OSBPL5: variants seen among roughly 807,000 people sequenced by gnomAD.
OSBPL5 encodes the protein oxysterol binding protein like 5, also known as oxysterol-binding protein-related protein 5.
OSBPL5 carries 71 observed loss-of-function variants against 111.2 expected under a neutral mutation model. That is an observed-to-expected ratio of 0.64 (90% confidence interval 0.53 to 0.78). The LOEUF (loss-of-function observed/expected upper bound fraction) is 0.78. Ranked by LOEUF, OSBPL5 falls within the 30% of genes least tolerant of loss-of-function variation. OSBPL5 has a pLI of 0.00. For synonymous variants in OSBPL5, 549 were observed against 513.9 expected, an observed-to-expected ratio of 1.07 and a Z score of -0.93; for missense variants, 1,210 against 1,189.3, an observed-to-expected ratio of 1.02 and a Z score of -0.26.
At chr11:3,159,683 G>T (rs990144727) in intron 1 of OSBPL5, among the ~76,000 whole-genome samples, 1 of 152,202 alleles carries the variant, frequency 6.6e-6, no homozygotes, top group African/African-American at 2.4e-5. Flanking sequence ...TGCACCTGGG[G>T]AGGGCCAGGG....
At chr11:3,112,098 CATAT>C (rs1858010714) in intron 7 of OSBPL5, among the ~76,000 whole-genome samples, 1 of 128,864 alleles carries the variant, frequency 7.8e-6, no homozygotes, top group African/African-American at 3.3e-5. Context: ...TGTGTGTGTG[CATAT>C]GTGTGTGTGC....
chr11:3,093,142 A>C, intron 17 of OSBPL5, 90 bp from the exon 18 acceptor site: 1 of 1,326,234 alleles, frequency 7.5e-7, no homozygotes, highest in Non-Finnish European at 1.0e-6. Context: ...ACCAGAAGGA[A>C]GGCACAGAGC....
chr11:3,107,985 C>G lies in OSBPL5; in HGVS notation c.692-40G>C. The G allele has an allele frequency of 6.5e-7, 1 of 1,543,364 alleles. No individual in the cohort carries two copies. On this transcript the variant is annotated intron_variant, in intron 7 of 21. Coordinates refer to ENST00000263650, the MANE Select transcript of OSBPL5 (RefSeq NM_020896.4). This position sits in a 1 kb window ranked among gnomAD's most constrained non-coding sequence, Gnocchi z 6.1. ...GGATGAGCATGCCCCACCCCCACCTCTGTATATCCCGCATCCCCCAAGGGG... is the reference window on the plus strand; with the variant it reads ...GGATGAGCATGCCCCACCCCCACCTGTGTATATCCCGCATCCCCCAAGGGG...
At chr11:3,119,010 GT>G (rs57566057) in intron 7 of OSBPL5, among the ~76,000 whole-genome samples, 28 of 146,704 alleles carry the variant, frequency 1.9e-4, no homozygotes, top group East Asian at 1.4e-3. Flanking sequence ...GTGACAGGTG[GT>G]TTTTTTTTTT....
rs1249746313 is a variant in OSBPL5 at position 3,122,044 on chromosome 11, T to A, written c.355A>T (p.Ser119Cys). 6.3e-7 allele frequency: 1 copy of A among 1,583,462 alleles called. No homozygotes were observed. Among genetic ancestry groups the A allele is most frequent in the Admixed American group, 1.7e-5 (1 of 57,472 alleles). ...ACCACGCTGGGGTCTGTCAGAGCGC[T>A]GAGCAGCTGCCGTGTGGCGCGCTTC... ...EKKRATRQLL[S>C]ALTDPSVVIM... The change falls in exon 5 of 22, where the codon AGC becomes TGC. Residue 119 changes from serine to cysteine, a missense_variant. By Grantham distance (112) the Ser-to-Cys change is moderately radical (BLOSUM62 -1). Transcript: ENST00000263650.
At chr11:3,117,791 C>G (rs1024510590) in intron 7 of OSBPL5, among the ~76,000 whole-genome samples, 1 of 152,284 alleles carries the variant, frequency 6.6e-6, no homozygotes, top group East Asian at 1.9e-4. Flanking sequence ...GAAGACTAAG[C>G]TGTGCTTTCT....
intron 7 of OSBPL5, among the ~76,000 whole-genome samples, chr11:3,111,959 GTGTGTGTGTGCA>G (rs1564836957): frequency 3.3e-5 from 5 of 149,332 alleles, no homozygotes; most frequent in African/African-American, 4.9e-5. Context: ...CAAGCTGTGT[GTGTGTGTGTGCA>G]TATGTGTGCG....
intron 1 of OSBPL5, among the ~76,000 whole-genome samples, chr11:3,131,242 G>T (rs2134481053): frequency 6.6e-6 from 1 of 152,216 alleles, no homozygotes; most frequent in East Asian, 1.9e-4. Flanking sequence ...TTCTTAGTCT[G>T]TGAGTGCCAC....
At position 3,109,065 on chromosome 11, in the gene OSBPL5, G is replaced by A. The variant is rs187967946; in HGVS notation, c.692-1120C>T. On this transcript the variant is annotated intron_variant, in intron 7 of 21. Coordinates refer to ENST00000263650, the MANE Select transcript of OSBPL5 (RefSeq NM_020896.4). The surrounding 1 kb of genome is among the most constrained non-coding windows in gnomAD (Gnocchi z 7.4). ...TTACAGGTGTGAGCCACCACACCGG[G>A]TCAATAAGTGTGTTTTTTGTTTTTG... Among the ~76,000 whole-genome samples the A allele has an allele frequency of 6.6e-6, 1 of 151,886 alleles. No individual in the cohort carries two copies. Among genetic ancestry groups the A allele is most frequent in the East Asian group, 1.9e-4 (1 of 5,168 alleles).
At chr11:3,139,832 G>A (rs1846053262) in intron 1 of OSBPL5, among the ~76,000 whole-genome samples, 1 of 152,236 alleles carries the variant, frequency 6.6e-6, no homozygotes. Flanking sequence ...GCCCAGCCAC[G>A]CGCCCTGAAG....
chr11:3,092,098 A>C lies in OSBPL5; in HGVS notation c.2259+334T>G, dbSNP rs1857078701. ...TGGCTCCTCCTCCTCCTACCTGGGA[A>C]GGGCCCTGGGCTGCCCTGACCTTCT... On this transcript the variant is annotated intron_variant, in intron 19 of 21. Coordinates refer to ENST00000263650, the MANE Select transcript of OSBPL5 (RefSeq NM_020896.4). The surrounding 1 kb of genome is among the most constrained non-coding windows in gnomAD (Gnocchi z 5.4). Among the ~76,000 whole-genome samples, 3 of 152,144 alleles carry C rather than the reference A, an allele frequency of 2.0e-5. No homozygotes were observed. The South Asian group carries it at 6.2e-4, about 31-fold the overall frequency.
intron 7 of OSBPL5, among the ~76,000 whole-genome samples, chr11:3,116,968 T>A (rs997091570): frequency 6.6e-6 from 1 of 152,238 alleles, no homozygotes; most frequent in Non-Finnish European, 1.5e-5. Context: ...TATTTACAGC[T>A]TTTAACAATT....
In OSBPL5 at chr11:3,142,813, C is replaced by T. The variant is rs926654560; in HGVS notation, c.-21-13644G>A. ...GATCCCCGAGCCCCATGCAGCCTTG[C>T]GGGTAGAAGGGCAGTGACTGCCCAC... is the stretch of plus-strand genomic sequence containing the variant. On this transcript the variant is annotated intron_variant, in intron 1 of 21. Coordinates refer to ENST00000263650, the MANE Select transcript of OSBPL5 (RefSeq NM_020896.4). This position sits in a 1 kb window ranked among gnomAD's most constrained non-coding sequence, Gnocchi z 7.1. Among the ~76,000 whole-genome samples, 2 of 151,878 alleles carry T rather than the reference C, an allele frequency of 1.3e-5. No homozygotes were observed. The highest frequency in any genetic ancestry group is 2.4e-5 in the African/African-American group (1 of 41,318).
Position 3,120,641 on chromosome 11 carries a change from G to A in OSBPL5, c.403-17C>T. 1.2e-6 allele frequency: 2 copies of A among 1,609,660 alleles called. No individual in the cohort carries two copies. Among genetic ancestry groups the A allele is most frequent in the Non-Finnish European group, 1.7e-6 (2 of 1,179,044 alleles). On this transcript the variant is annotated splice_polypyrimidine_tract_variant and intron_variant, in intron 5 of 21. Transcript: ENST00000263650. ...GCCGCGGATCTGCAGGGAGGATGCT[G>A]GCGTCGATGCCCACCCTCTGGGGCC...
chr11:3,108,641 C>T (rs1397336662), intron 7 of OSBPL5, among the ~76,000 whole-genome samples: 1 of 152,246 alleles, frequency 6.6e-6, no homozygotes, highest in African/African-American at 2.4e-5. Flanking sequence ...GACAGCACCA[C>T]CCAAGGGTCC....
intron 14 of OSBPL5, among the ~76,000 whole-genome samples, chr11:3,096,696 C>T (rs1281199159): frequency 1.3e-5 from 2 of 151,576 alleles, no homozygotes; most frequent in Non-Finnish European, 2.9e-5. Flanking sequence ...ATAAAATACA[C>T]AAATGACATG....
intron 7 of OSBPL5, among the ~76,000 whole-genome samples, chr11:3,118,713 G>A (rs1243058024): frequency 2.6e-5 from 4 of 151,062 alleles, no homozygotes; most frequent in Non-Finnish European, 4.4e-5. Context: ...TTGGGATCAC[G>A]GGCACCCACC....
chr11:3,122,902 C>G (rs1303065836), intron 3 of OSBPL5, among the ~76,000 whole-genome samples: 1 of 152,202 alleles, frequency 6.6e-6, no homozygotes, highest in Non-Finnish European at 1.5e-5. Flanking sequence ...CAAGCACTCA[C>G]GCTGGGTCTC....
chr11:3,103,881 T>C (rs112491496), intron 10 of OSBPL5, among the ~76,000 whole-genome samples: 10,842 of 47,776 alleles, frequency 0.23, 845 homozygotes, highest in Non-Finnish European at 0.31. Flanking sequence ...CCTGCCTCTG[T>C]AGCCCCATTC....
Sources: gnomAD v4.1 joint callset for allele counts (sites outside exome capture counted in the v4.1 genomes callset) on GRCh38, gnomAD v4.1.1 for gene constraint, Gnocchi (gnomAD v3.1) non-coding constraint, MANE v1.5 for transcripts, NCBI Gene and HGNC (gene_info 2026-07-23, HGNC 2026-07-21) for gene names.